The following ITPKB variants were observed in gnomAD, a reference collection of about 807,000 sequenced individuals.
The protein encoded by ITPKB is inositol-trisphosphate 3-kinase B.
In ITPKB, 13 loss-of-function variants were observed where a neutral mutation model predicts 69.4. The ratio of observed to expected loss-of-function variants is 0.19; its 90% confidence interval spans 0.12 to 0.30. The LOEUF (loss-of-function observed/expected upper bound fraction) is 0.30, where lower values mean the gene tolerates loss of function less well. Among genes scored for constraint, ITPKB ranks in the 10% least tolerant of loss-of-function variants. The pLI, the probability that ITPKB is intolerant of heterozygous loss-of-function variation, is 1.00. For synonymous variants in ITPKB, 584 were observed against 513.7 expected (o/e 1.14, Z -1.85); for missense variants, 1,240 against 1,250.5 (o/e 0.99, Z 0.13).
intron 2 of ITPKB, among the ~76,000 whole-genome samples, chr1:226,703,658 G>A (rs1055115864): frequency 2.7e-4 from 41 of 152,240 alleles, no homozygotes; most frequent in African/African-American, 9.4e-4. Flanking sequence ...AGCGCTAGCG[G>A]GCCCGCAGCA....
Position 226,736,153 on chromosome 1 carries a change from G to T in ITPKB, c.1306C>A (p.Arg436Ser). 6.4e-7 allele frequency: 1 copy of T among 1,560,854 alleles called. No individual in the cohort carries two copies. Among genetic ancestry groups the T allele is most frequent in the Non-Finnish European group, 8.7e-7 (1 of 1,153,196 alleles). Residue 436 changes from arginine to serine, a missense_variant, in exon 2 of 8, where the codon CGT becomes AGT. Transcript: ENST00000429204. ...ARSGAPVGGGRWQLSDRVEGG... is the reference protein window; with the variant it reads ...ARSGAPVGGGSWQLSDRVEGG... Reference sequence around the variant, plus strand: ...TCCACTCTGTCGGAGAGCTGCCAACGCCCCCCGCCCACGGGGGCCCCACTT... The same window carrying T: ...TCCACTCTGTCGGAGAGCTGCCAACTCCCCCCGCCCACGGGGGCCCCACTT...
At chr1:226,711,579 T>A (rs1362126931) in intron 2 of ITPKB, among the ~76,000 whole-genome samples, 1 of 151,922 alleles carries the variant, frequency 6.6e-6, no homozygotes, top group African/African-American at 2.4e-5. Flanking sequence ...CGACCGAAAA[T>A]GACAATCATG....
chr1:226,659,625 C>T (rs1463035744), intron 2 of ITPKB: 2 of 152,206 alleles, frequency 1.3e-5, no homozygotes, highest in East Asian at 3.9e-4. Flanking sequence ...TAGCCCCACG[C>T]CACTCCTGGA....
chr1:226,697,134 C>G (rs1398514691), intron 2 of ITPKB, among the ~76,000 whole-genome samples: 1 of 152,244 alleles, frequency 6.6e-6, no homozygotes, highest in Non-Finnish European at 1.5e-5. Context: ...GGGCAAGCGT[C>G]AACTAAATGT....
intron 2 of ITPKB, chr1:226,676,168 G>A (rs1669727301): frequency 6.6e-6 from 1 of 152,116 alleles, no homozygotes; most frequent in African/African-American, 2.4e-5. Context: ...TGCCTTTTGT[G>A]TACCATCACC....
At chr1:226,658,627 T>C (rs16846350) in intron 2 of ITPKB, among the ~76,000 whole-genome samples, 2,726 of 151,832 alleles carry the variant, frequency 0.018, 134 homozygotes, top group South Asian at 0.18. Flanking sequence ...AAGACCCGAG[T>C]AAGGCTTTAT....
At chr1:226,643,817 ATG>A (rs1407702858) in intron 4 of ITPKB, among the ~76,000 whole-genome samples, 1 of 125,812 alleles carries the variant, frequency 7.9e-6, no homozygotes, top group East Asian at 2.7e-4. Context: ...ATACACACAC[ATG>A]TGCTCATGCA....
chr1:226,646,589 C>T (rs190319039), intron 4 of ITPKB, among the ~76,000 whole-genome samples: 2 of 152,290 alleles, frequency 1.3e-5, no homozygotes, highest in East Asian at 3.9e-4. Context: ...CCAGTGACTG[C>T]TCCGGGCTCA....
At chr1:226,696,462 C>T (rs187319052) in intron 2 of ITPKB, among the ~76,000 whole-genome samples, 313 of 152,222 alleles carry the variant, frequency 2.1e-3, no homozygotes, top group Non-Finnish European at 2.9e-3. Flanking sequence ...TCTTGGACAC[C>T]GGCTTCCACT....
At chr1:226,648,923 A>C in intron 2 of ITPKB, 152 bp from the exon 3 acceptor site, 3 of 641,628 alleles carry the variant, frequency 4.7e-6, no homozygotes, top group Middle Eastern at 2.5e-4. Context: ...ACCATCACCT[A>C]TGCGGCACAT....
chr1:226,648,616 C>T, intron 3 of ITPKB, 56 bp downstream of exon 3: 1 of 1,066,358 alleles, frequency 9.4e-7, no homozygotes, highest in Non-Finnish European at 1.5e-6. Context: ...GCGTCCAGGG[C>T]ACCTCCCCAG....
chr1:226,648,775 GAAAC>G lies in ITPKB; in HGVS notation c.1933-8_1933-5del, dbSNP rs761926811. 63 of 1,581,826 alleles carry G rather than the reference GAAAC, an allele frequency of 4.0e-5. No homozygotes were observed. Among genetic ancestry groups the G allele is most frequent in the Non-Finnish European group, 5.0e-5 (57 of 1,150,836 alleles). The stretch of plus-strand genomic sequence containing the variant: ...TTATCTTCCTCCATGATTTGCTCTA[GAAAC>G]AAACAAACAAAAAGCTCTACATTAG... On this transcript the variant is annotated splice_polypyrimidine_tract_variant and splice_region_variant and intron_variant, in intron 2 of 7. Transcript: ENST00000429204.
intron 2 of ITPKB, among the ~76,000 whole-genome samples, chr1:226,651,723 C>A (rs1422369264): frequency 6.6e-6 from 1 of 152,166 alleles, no homozygotes; most frequent in Non-Finnish European, 1.5e-5. Flanking sequence ...CCATTTGAAG[C>A]TAAGAAACTT....
intron 2 of ITPKB, among the ~76,000 whole-genome samples, chr1:226,712,129 C>A (rs919992287): frequency 7.9e-5 from 12 of 152,148 alleles, no homozygotes; most frequent in Non-Finnish European, 1.6e-4. Flanking sequence ...ATATATAGCA[C>A]CTGTGTCTTC....
At chr1:226,636,342 G>C (rs1025212953) in intron 7 of ITPKB, among the ~76,000 whole-genome samples, 2 of 152,226 alleles carry the variant, frequency 1.3e-5, no homozygotes, top group African/African-American at 4.8e-5. Context: ...TTCCGAGAAG[G>C]ACCGAGCTCC....
intron 2 of ITPKB, among the ~76,000 whole-genome samples, chr1:226,657,834 G>T (rs748464301): frequency 1.3e-5 from 2 of 152,078 alleles, no homozygotes; most frequent in Non-Finnish European, 2.9e-5. Flanking sequence ...CATCTCTCTC[G>T]GACCTGGGGC....
intron 2 of ITPKB, among the ~76,000 whole-genome samples, chr1:226,691,882 G>T (rs1248448906): frequency 6.6e-6 from 1 of 152,130 alleles, no homozygotes; most frequent in South Asian, 2.1e-4. Flanking sequence ...GTGTTGCGTG[G>T]GCCCTGATCA....
chr1:226,711,574 G>A (rs1260755361), intron 2 of ITPKB, among the ~76,000 whole-genome samples: 1 of 152,030 alleles, frequency 6.6e-6, no homozygotes, highest in Non-Finnish European at 1.5e-5. Context: ...TCGTCCGACC[G>A]AAAATGACAA....
At chr1:226,688,173 T>C (rs1023665490) in intron 2 of ITPKB, among the ~76,000 whole-genome samples, 1 of 152,162 alleles carries the variant, frequency 6.6e-6, no homozygotes, top group African/African-American at 2.4e-5. Context: ...CCCTATGAAA[T>C]GGCAAATAGT....
Sources: gnomAD v4.1 joint callset for allele counts (sites outside exome capture counted in the v4.1 genomes callset) on GRCh38, gnomAD v4.1.1 for gene constraint, MANE v1.5 for transcripts, NCBI Gene and HGNC (gene_info 2026-07-23, HGNC 2026-07-21) for gene names.